Variants in CSMD1 observed in about 807,000 individuals in gnomAD.
CSMD1 encodes the protein CUB and Sushi multiple domains 1, also known as CUB and sushi domain-containing protein 1.
A neutral mutation model predicts 417.5 loss-of-function variants in CSMD1; 213 were observed. That is an observed-to-expected ratio of 0.51 (90% CI 0.46 to 0.57). CSMD1 has a LOEUF of 0.57. Among genes scored for constraint, CSMD1 ranks in the 20% least tolerant of loss-of-function variants. CSMD1 has a pLI of 0.00. For synonymous variants in CSMD1, 2,862 were observed against 1,736.8 expected, an observed-to-expected ratio of 1.65 and a Z score of -16.11; for missense variants, 6,923 against 4,529.7, an observed-to-expected ratio of 1.53 and a Z score of -15.17.
At chr8:3,373,645 T>C (rs1047536539) in intron 18 of CSMD1, 2 of 152,196 alleles carry the variant, frequency 1.3e-5, no homozygotes, top group Non-Finnish European at 2.9e-5. Context: ...CTACATTCCC[T>C]TAGCAGAGCT....
intron 3 of CSMD1, among the ~76,000 whole-genome samples, chr8:4,071,719 G>A (rs1288138568): frequency 2.0e-5 from 3 of 152,098 alleles, no homozygotes; most frequent in Non-Finnish European, 4.4e-5. Context: ...ACTCTGTTAT[G>A]CTCCTCCAAA....
chr8:3,094,213 C>G (rs1248935953), intron 47 of CSMD1, among the ~76,000 whole-genome samples: 2 of 151,944 alleles, frequency 1.3e-5, no homozygotes, highest in Non-Finnish European at 2.9e-5. Flanking sequence ...TCAAATGATT[C>G]TCTTGCCTCA....
chr8:4,591,829 G>C (rs118165437), intron 2 of CSMD1, among the ~76,000 whole-genome samples: 60 of 152,306 alleles, frequency 3.9e-4, no homozygotes, highest in Non-Finnish European at 8.2e-4. Flanking sequence ...AGACCGTCTA[G>C]GGGGCCTCTG....
At chr8:4,990,785 A>C (rs1311103299) in intron 1 of CSMD1, among the ~76,000 whole-genome samples, 3 of 152,066 alleles carry the variant, frequency 2.0e-5, no homozygotes, top group African/African-American at 7.2e-5. Context: ...CTGACCTGCA[A>C]ATTAAAGGTC....
At chr8:4,479,443 T>C (rs1428415647) in intron 2 of CSMD1, among the ~76,000 whole-genome samples, 1 of 152,172 alleles carries the variant, frequency 6.6e-6, no homozygotes, top group Admixed American at 6.5e-5. Flanking sequence ...CAAAACAATA[T>C]ATTTGGTGCA....
chr8:3,318,955 C>T (rs529692909), intron 23 of CSMD1, among the ~76,000 whole-genome samples: 54 of 152,276 alleles, frequency 3.5e-4, no homozygotes, highest in African/African-American at 1.2e-3. Context: ...TACAAACACA[C>T]ACACATATGT....
intron 2 of CSMD1, among the ~76,000 whole-genome samples, chr8:4,459,944 T>G (rs1449189939): frequency 6.6e-6 from 1 of 152,202 alleles, no homozygotes; most frequent in Non-Finnish European, 1.5e-5. Context: ...CTACTCATTT[T>G]CATAGAGGAA....
chr8:3,449,995 G>A (rs1035771013), intron 12 of CSMD1, among the ~76,000 whole-genome samples: 4 of 152,236 alleles, frequency 2.6e-5, no homozygotes. Context: ...CCAGACGGGA[G>A]AGAGGGTCAC....
intron 1 of CSMD1, among the ~76,000 whole-genome samples, chr8:4,883,802 A>T (rs941770480): frequency 6.6e-6 from 1 of 151,930 alleles, no homozygotes; most frequent in African/African-American, 2.4e-5. Flanking sequence ...TACACAAAAA[A>T]TATTTTTTTG....
At chr8:4,058,596 G>A (rs1042518361) in intron 3 of CSMD1, among the ~76,000 whole-genome samples, 1 of 151,356 alleles carries the variant, frequency 6.6e-6, no homozygotes, top group Non-Finnish European at 1.5e-5. Flanking sequence ...GATGGAGGAA[G>A]ATCTACCAAG....
intron 7 of CSMD1, among the ~76,000 whole-genome samples, chr8:3,648,101 G>A (rs1245232101): frequency 3.3e-5 from 5 of 152,316 alleles, no homozygotes; most frequent in Admixed American, 6.5e-5. Flanking sequence ...GCAGGAAGGA[G>A]GTGTCTCCTA....
At chr8:4,811,515 G>A (rs1033204309) in intron 1 of CSMD1, among the ~76,000 whole-genome samples, 18 of 152,026 alleles carry the variant, frequency 1.2e-4, no homozygotes, top group Admixed American at 5.2e-4. Flanking sequence ...GCAATGTATT[G>A]CTGCCATAGA....
At chr8:3,497,298 G>A (rs972892264) in intron 10 of CSMD1, among the ~76,000 whole-genome samples, 1 of 152,250 alleles carries the variant, frequency 6.6e-6, no homozygotes, top group African/African-American at 2.4e-5. Context: ...CATCAATAAT[G>A]TTTGCTTTAT....
At chr8:4,130,602 A>G (rs1343031263) in intron 3 of CSMD1, among the ~76,000 whole-genome samples, 1 of 152,062 alleles carries the variant, frequency 6.6e-6, no homozygotes, top group Admixed American at 6.6e-5. Flanking sequence ...AAATTGTATT[A>G]CGCTCTTGTC....
At position 4,374,040 on chromosome 8, in the gene CSMD1, G is replaced by C. The variant is rs1802561022; in HGVS notation, c.415+45913C>G. On this transcript the variant is annotated intron_variant, in intron 3 of 69. Coordinates refer to ENST00000635120, the MANE Select transcript of CSMD1 (RefSeq NM_033225.6). Reference sequence around the variant, plus strand: ...GACAGAATTCTCAGTAAAAATACGTGATCAAATTGAACTTAAATAATATAA... The same window carrying C: ...GACAGAATTCTCAGTAAAAATACGTCATCAAATTGAACTTAAATAATATAA... 2.0e-5 allele frequency among the ~76,000 whole-genome samples: 3 copies of C among 152,226 alleles called. 1 individual carries two copies. The South Asian group carries it at 6.2e-4, about 32-fold the overall frequency.
intron 3 of CSMD1, among the ~76,000 whole-genome samples, chr8:4,393,870 G>C (rs200533982): frequency 6.6e-6 from 1 of 152,120 alleles, no homozygotes; most frequent in East Asian, 1.9e-4. Context: ...GGAGCACACG[G>C]AACAACCATG....
At chr8:4,153,010 C>CAT (rs1314142761) in intron 3 of CSMD1, among the ~76,000 whole-genome samples, 3 of 152,108 alleles carry the variant, frequency 2.0e-5, no homozygotes, top group African/African-American at 7.2e-5. Flanking sequence ...GTAGCAAGTG[C>CAT]ATACCATTTA....
In CSMD1 at chr8:4,719,728, T is replaced by C. The variant is rs374548112; in HGVS notation, c.86-82170A>G. Among the ~76,000 whole-genome samples the C allele has an allele frequency of 2.8e-4, 43 of 152,326 alleles. No individual in the cohort carries two copies. The South Asian group carries it at 8.5e-3, about 30-fold the overall frequency. The stretch of plus-strand genomic sequence containing the variant: ...CAGTAAAAGCTACCCAGTTTTAAAT[T>C]ACCTAAAGAATTCCTAATATGCACT... On this transcript the variant is annotated intron_variant, in intron 1 of 69. Transcript: ENST00000635120.
intron 1 of CSMD1, among the ~76,000 whole-genome samples, chr8:4,980,213 G>T (rs1001732424): frequency 6.6e-6 from 1 of 152,172 alleles, no homozygotes; most frequent in Non-Finnish European, 1.5e-5. Context: ...TGAGCTTCGA[G>T]GTTGGATACT....
Sources: allele counts gnomAD v4.1 joint callset (sites outside exome capture counted in the v4.1 genomes callset), GRCh38; gene constraint gnomAD v4.1.1; transcripts MANE v1.5; gene names NCBI Gene and HGNC (gene_info 2026-07-23, HGNC 2026-07-21).